The following PPARGC1A variants were observed in gnomAD, a reference collection of about 807,000 sequenced individuals.
PPARGC1A encodes PPARG coactivator 1 alpha.
Under a neutral mutation model 88.7 loss-of-function variants are expected in PPARGC1A, and 25 were observed. The observed-to-expected ratio is 0.28, with a 90% CI of 0.21 to 0.39. The LOEUF (loss-of-function observed/expected upper bound fraction) is 0.39. PPARGC1A is among the 10% of genes least tolerant of loss of function. The pLI, the probability that PPARGC1A is intolerant of heterozygous loss-of-function variation, is 1.00. For synonymous variants in PPARGC1A, 363 were observed against 355.6 expected (o/e 1.02, Z -0.24); for missense variants, 880 against 968.7 (o/e 0.91, Z 1.22).
chr4:24,446,983 CT>C, the PPARGC1A span, among the ~76,000 whole-genome samples: 2 of 152,152 alleles, frequency 1.3e-5, no homozygotes, highest in Non-Finnish European at 2.9e-5. Context: ...AAAGACACCC[CT>C]TTCTAGAGAA....
Position 23,824,348 on chromosome 4 carries a change from G to T in PPARGC1A, c.809C>A (p.Pro270His). Residue 270 changes from proline to histidine, a missense_variant, in exon 7 of 13, where the codon CCC becomes CAC. Pro to His is a moderately conservative substitution (Grantham distance 77). Coordinates refer to ENST00000264867, the MANE Select transcript of PPARGC1A (RefSeq NM_013261.5). ...LPLTPESPND[P>H]KGSPFENKTI... Reference sequence around the variant, plus strand: ...CTTGTTCTCAAATGGGGAACCCTTGGGGTCACTGGAAGATATGGCACATTT... The same window carrying T: ...CTTGTTCTCAAATGGGGAACCCTTGTGGTCACTGGAAGATATGGCACATTT... 2 of 1,613,348 alleles carry T rather than the reference G, an allele frequency of 1.2e-6. No individual in the cohort carries two copies. Among genetic ancestry groups the T allele is most frequent in the Non-Finnish European group, 1.7e-6 (2 of 1,179,614 alleles).
the PPARGC1A span, among the ~76,000 whole-genome samples, chr4:24,163,825 C>A: frequency 6.6e-6 from 1 of 152,188 alleles, no homozygotes; most frequent in African/African-American, 2.4e-5. Flanking sequence ...AAGTACCACT[C>A]TGTTAGGCTG....
chr4:24,184,215 C>A, the PPARGC1A span, among the ~76,000 whole-genome samples: 5 of 152,040 alleles, frequency 3.3e-5, no homozygotes, highest in Non-Finnish European at 7.4e-5. Flanking sequence ...AGTATTTCAC[C>A]CAGAGTTTGG....
At chr4:24,242,179 G>A in the PPARGC1A span, among the ~76,000 whole-genome samples, 5 of 152,104 alleles carry the variant, frequency 3.3e-5, no homozygotes, top group South Asian at 4.2e-4. Flanking sequence ...CACCACAGCC[G>A]AGTGACAGTT....
the PPARGC1A span, among the ~76,000 whole-genome samples, chr4:24,261,698 G>T: frequency 6.6e-6 from 1 of 151,976 alleles, no homozygotes; most frequent in Non-Finnish European, 1.5e-5. Flanking sequence ...ATATATTTCT[G>T]GTTATTTTAT....
At chr4:23,986,056 A>C in the PPARGC1A span, among the ~76,000 whole-genome samples, 1 of 152,022 alleles carries the variant, frequency 6.6e-6, no homozygotes, top group African/African-American at 2.4e-5. Context: ...GCCCTTTGTC[A>C]GTTCTAAAAC....
Position 23,801,716 on chromosome 4 carries a change from A to T in PPARGC1A, c.2293+14T>A. 6.2e-7 allele frequency: 1 copy of T among 1,613,688 alleles called. No homozygotes were observed. The highest frequency in any genetic ancestry group is 1.1e-5 in the South Asian group (1 of 91,068). On this transcript the variant is annotated intron_variant, in intron 12 of 12. Transcript: ENST00000264867. The stretch of plus-strand genomic sequence containing the variant: ...ATTATGGATTCCTCATTCCACGTAC[A>T]ATAAAATCCATACCTAGGTCTGCAT...
chr4:24,048,487 A>T, the PPARGC1A span, among the ~76,000 whole-genome samples: 2 of 152,164 alleles, frequency 1.3e-5, no homozygotes, highest in Non-Finnish European at 2.9e-5. Flanking sequence ...TTCTTTAGTA[A>T]ACACAGTTTA....
At chr4:23,902,856 T>C (rs897663808), upstream of PPARGC1A, among the ~76,000 whole-genome samples, 2 of 152,236 alleles carry the variant, frequency 1.3e-5, no homozygotes, top group African/African-American at 4.8e-5. Flanking sequence ...GTAAACACAG[T>C]TATGTTATGA....
chr4:24,294,414 A>C, the PPARGC1A span, among the ~76,000 whole-genome samples: 1 of 152,188 alleles, frequency 6.6e-6, no homozygotes, highest in Non-Finnish European at 1.5e-5. Flanking sequence ...TCTGAAGGAA[A>C]GGAATAAAAA....
chr4:24,004,368 A>G, the PPARGC1A span, among the ~76,000 whole-genome samples: 1 of 152,366 alleles, frequency 6.6e-6, no homozygotes, highest in Non-Finnish European at 1.5e-5. Flanking sequence ...CTGCATTGAG[A>G]AGGCACAACA....
At chr4:23,909,761 A>G in the PPARGC1A span, among the ~76,000 whole-genome samples, 1 of 151,786 alleles carries the variant, frequency 6.6e-6, no homozygotes, top group South Asian at 2.1e-4. Context: ...CACTATCCTT[A>G]TCAGTGTATA....
At chr4:24,427,775 A>G in the PPARGC1A span, among the ~76,000 whole-genome samples, 2 of 151,918 alleles carry the variant, frequency 1.3e-5, no homozygotes, top group Admixed American at 6.6e-5. Context: ...TAATGAATGT[A>G]AAGGTCAGGA....
the PPARGC1A span, among the ~76,000 whole-genome samples, chr4:24,036,209 C>T: frequency 2.6e-5 from 4 of 152,192 alleles, no homozygotes; most frequent in Non-Finnish European, 5.9e-5. Flanking sequence ...ATATATTCAT[C>T]TGCAGGGCTG....
chr4:24,052,226 G>A, the PPARGC1A span, among the ~76,000 whole-genome samples: 2 of 152,192 alleles, frequency 1.3e-5, no homozygotes, highest in Non-Finnish European at 1.5e-5. Context: ...GCATTCAGAT[G>A]TTCTCACAAT....
At chr4:23,902,753 T>C (rs946158898), upstream of PPARGC1A, among the ~76,000 whole-genome samples, 2 of 152,282 alleles carry the variant, frequency 1.3e-5, no homozygotes, top group Admixed American at 6.5e-5. Context: ...TTCACTTTAA[T>C]TACAAAATGC....
At position 23,810,509 on chromosome 4, in the gene PPARGC1A, T is replaced by C. The variant is rs376127417; in HGVS notation, c.2019+2238A>G. Reference sequence around the variant, plus strand: ...TCTAGACCAATGACACTACTTGCTCTATCTGTAAAGGGCCGAACTAGCAAC... The same window carrying C: ...TCTAGACCAATGACACTACTTGCTCCATCTGTAAAGGGCCGAACTAGCAAC... On this transcript the variant is annotated intron_variant, in intron 10 of 12. Coordinates refer to ENST00000264867, the MANE Select transcript of PPARGC1A (RefSeq NM_013261.5). 3.9e-5 allele frequency among the ~76,000 whole-genome samples: 6 copies of C among 152,332 alleles called. No homozygotes were observed. The East Asian group carries it at 9.7e-4, about 25-fold the overall frequency.
the PPARGC1A span, among the ~76,000 whole-genome samples, chr4:24,329,986 C>A: frequency 1.3e-5 from 2 of 152,182 alleles, no homozygotes; most frequent in African/African-American, 2.4e-5. Flanking sequence ...AGGGCTGTAC[C>A]ATCAAATCTA....
In PPARGC1A at chr4:23,794,373, G is replaced by A. The variant is rs2109290231; in HGVS notation, c.*1449C>T. ...AAAGAAAAACAAGCGACAAGAAAAT[G>A]TGGAAAAATATCGCAGAAGTGGTTA... On this transcript the variant is annotated 3_prime_UTR_variant, in exon 13 of 13. Transcript: ENST00000264867. 6.6e-6 allele frequency: 1 copy of A among 152,632 alleles called. No individual in the cohort carries two copies. The highest frequency in any genetic ancestry group is 1.9e-4 in the East Asian group (1 of 5,176). 9.5% of individuals were successfully genotyped at this position (152,632 alleles called of 1,614,324 possible). A position where few individuals can be genotyped will look rare whatever the true frequency, so the allele number is the denominator to read the frequency against.
Sources: gnomAD v4.1 joint callset for allele counts (sites outside exome capture counted in the v4.1 genomes callset) on GRCh38, gnomAD v4.1.1 for gene constraint, MANE v1.5 for transcripts, NCBI Gene and HGNC (gene_info 2026-07-23, HGNC 2026-07-21) for gene names.